Variants in BIRC6 observed in about 807,000 individuals in gnomAD.
BIRC6 encodes the protein baculoviral IAP repeat containing 6.
BIRC6 carries 98 observed loss-of-function variants against 503.3 expected under a neutral mutation model. The ratio of observed to expected loss-of-function variants is 0.19; its 90% CI spans 0.17 to 0.23. BIRC6 has a LOEUF of 0.23. BIRC6 is among the 10% of genes least tolerant of loss of function. The pLI, the probability that BIRC6 is intolerant of heterozygous loss-of-function variation, is 1.00. For synonymous variants in BIRC6, 2,240 were observed against 2,078.7 expected (o/e 1.08, Z -2.11); for missense variants, 5,360 against 5,806.0 (o/e 0.92, Z 2.50).
chr2:32,552,896 A>T (rs1210264990), intron 65 of BIRC6, among the ~76,000 whole-genome samples: 2 of 149,970 alleles, frequency 1.3e-5, no homozygotes, highest in African/African-American at 2.4e-5. Flanking sequence ...TTACTTAATT[A>T]TATATGTACT....
At chr2:32,462,109 A>G (rs2048061771) in intron 23 of BIRC6, among the ~76,000 whole-genome samples, 1 of 152,144 alleles carries the variant, frequency 6.6e-6, no homozygotes, top group South Asian at 2.1e-4. Context: ...TTGCCCATAA[A>G]GTGAATTGTA....
chr2:32,372,993 A>G (rs1176349872), intron 1 of BIRC6, among the ~76,000 whole-genome samples: 2 of 152,238 alleles, frequency 1.3e-5, no homozygotes, highest in African/African-American at 4.8e-5. Flanking sequence ...GCCATTTGGT[A>G]AGTTTGTGTT....
intron 62 of BIRC6, among the ~76,000 whole-genome samples, chr2:32,545,001 C>T (rs2057956459): frequency 6.6e-6 from 1 of 151,506 alleles, no homozygotes; most frequent in Non-Finnish European, 1.5e-5. Flanking sequence ...CATGGTATTT[C>T]AACACTGTTA....
chr2:32,395,654 A>T (rs3731581), intron 6 of BIRC6, 61 bp downstream of exon 6: 179,751 of 1,403,792 alleles, frequency 0.13, 12,528 homozygotes, highest in Middle Eastern at 0.17. Flanking sequence ...ATGCTTCTAA[A>T]TTTTACTTTT....
chr2:32,465,775 A>C (rs1451717092), intron 26 of BIRC6, among the ~76,000 whole-genome samples: 1 of 152,212 alleles, frequency 6.6e-6, no homozygotes, highest in African/African-American at 2.4e-5. Flanking sequence ...ATCCTCAGGG[A>C]AATAACATGG....
intron 62 of BIRC6, among the ~76,000 whole-genome samples, chr2:32,544,919 T>C (rs938006932): frequency 1.3e-5 from 2 of 152,008 alleles, no homozygotes; most frequent in Admixed American, 1.3e-4. Flanking sequence ...TTTTTATTGA[T>C]ACATAGTAGT....
At chr2:32,446,154 C>T (rs1227686364) in intron 21 of BIRC6, among the ~76,000 whole-genome samples, 1 of 152,128 alleles carries the variant, frequency 6.6e-6, no homozygotes, top group Non-Finnish European at 1.5e-5. Flanking sequence ...CCGTGCCCGG[C>T]CAGAAATTAC....
chr2:32,481,222 A>G, intron 37 of BIRC6, 98 bp from the exon 38 acceptor site: 1 of 1,103,920 alleles, frequency 9.1e-7, no homozygotes, highest in East Asian at 2.7e-5. Context: ...GGCATATGTA[A>G]CATGCAAGTA....
Position 32,357,768 on chromosome 2 carries a change from G to A in BIRC6, c.325+282G>A, listed in dbSNP as rs1415143750. On this transcript the variant is annotated intron_variant, in intron 1 of 73. Coordinates refer to ENST00000421745, the MANE Select transcript of BIRC6 (RefSeq NM_016252.4). This position sits in a 1 kb window ranked among gnomAD's most constrained non-coding sequence, Gnocchi z 4.9. ...GGTCTGGCTTGGTCCTCCGCGAGAG[G>A]TGAGGAGACCTTGGAGCTTGGCACC... is the stretch of plus-strand genomic sequence containing the variant. Among the ~76,000 whole-genome samples the A allele has an allele frequency of 6.6e-6, 1 of 152,170 alleles. No homozygotes were observed. The highest frequency in any genetic ancestry group is 2.4e-5 in the African/African-American group (1 of 41,438).
rs2063368000 is a variant in BIRC6, at chr2:32,618,403, T to G, written c.*499T>G. 1 of 152,250 alleles carries G rather than the reference T, an allele frequency of 6.6e-6. No individual in the cohort carries two copies. Among genetic ancestry groups the G allele is most frequent in the Admixed American group, 6.5e-5 (1 of 15,272 alleles). 9.4% of individuals were successfully genotyped at this position (152,250 alleles called of 1,614,324 possible). On this transcript the variant is annotated 3_prime_UTR_variant, in exon 74 of 74. Transcript: ENST00000421745. Reference sequence around the variant, plus strand: ...CCTCCTACATACACTTCAATAAAAGTTAAATGGACATACTCCCTCTTTTTT... The same window carrying G: ...CCTCCTACATACACTTCAATAAAAGGTAAATGGACATACTCCCTCTTTTTT...
At chr2:32,615,514 A>G (rs1448689637) in intron 73 of BIRC6, among the ~76,000 whole-genome samples, 1 of 152,076 alleles carries the variant, frequency 6.6e-6, no homozygotes, top group Admixed American at 6.5e-5. Flanking sequence ...TCCTCATTCT[A>G]CTCATTGCCT....
chr2:32,416,773 TCCTTTCC>T (rs996735524), intron 10 of BIRC6, among the ~76,000 whole-genome samples: 19 of 151,266 alleles, frequency 1.3e-4, no homozygotes, highest in Non-Finnish European at 2.2e-4. Context: ...CTTTTCCTTT[TCCTTTCC>T]CCTTTCCCCC....
At chr2:32,496,373 A>G (rs2052473650) in intron 45 of BIRC6, among the ~76,000 whole-genome samples, 1 of 151,898 alleles carries the variant, frequency 6.6e-6, no homozygotes, top group Non-Finnish European at 1.5e-5. Flanking sequence ...TTACAGGCCC[A>G]TCACCATGCC....
In BIRC6 at chr2:32,545,631, T is replaced by C. The variant is rs778605331; in HGVS notation, c.12593-12T>C. 3.7e-6 allele frequency: 6 copies of C among 1,601,084 alleles called. No homozygotes were observed. The highest frequency in any genetic ancestry group is 3.3e-5 in the Admixed American group (2 of 59,976). The stretch of plus-strand genomic sequence containing the variant: ...GTTTTTAATCTTGAGTCCTCTTCTT[T>C]CTTCAATCTAGGTCATATTCTTCAA... On this transcript the variant is annotated splice_polypyrimidine_tract_variant and intron_variant, in intron 62 of 73. Transcript: ENST00000421745.
Position 32,460,245 on chromosome 2 carries a change from GATATATAT to G in BIRC6, c.4754-2928_4754-2921del, listed in dbSNP as rs1269564471. 2.3e-3 allele frequency among the ~76,000 whole-genome samples: 70 copies of G among 30,974 alleles called. 1 individual carries two copies. The highest frequency in any genetic ancestry group is 6.1e-3 in the African/African-American group (49 of 8,038). The allele number at this position is 30,974 out of a possible 152,430, so 20.3% of individuals were successfully genotyped here. A position where few individuals can be genotyped will look rare whatever the true frequency, so the allele number is the denominator to read the frequency against. ...ATCTCATATGATATATCTCGTATAT[GATATATAT>G]ATATATATATATATATATATTTTTT... On this transcript the variant is annotated intron_variant, in intron 23 of 73. Transcript: ENST00000421745.
chr2:32,464,866 A>G (rs2048356700), intron 25 of BIRC6, 43 bp downstream of exon 25: 2 of 1,539,954 alleles, frequency 1.3e-6, no homozygotes, highest in East Asian at 2.3e-5. Flanking sequence ...ACATTTAAAA[A>G]TATCTTGAAA....
intron 33 of BIRC6, among the ~76,000 whole-genome samples, chr2:32,474,995 G>A (rs2049569275): frequency 6.6e-6 from 1 of 151,608 alleles, no homozygotes; most frequent in South Asian, 2.1e-4. Flanking sequence ...GGATCAGTTG[G>A]CACCAGGAGT....
At chr2:32,387,888 G>C (rs1573851361) in intron 3 of BIRC6, among the ~76,000 whole-genome samples, 1 of 152,154 alleles carries the variant, frequency 6.6e-6, no homozygotes, top group Non-Finnish European at 1.5e-5. Context: ...TTCCAGAATA[G>C]TTAGTTGAGG....
intron 10 of BIRC6, among the ~76,000 whole-genome samples, chr2:32,428,580 A>G (rs1169676448): frequency 6.6e-6 from 1 of 152,180 alleles, no homozygotes; most frequent in Non-Finnish European, 1.5e-5. Context: ...GCTGGAAGTG[A>G]ATCTCCAAAT....
Sources: gnomAD v4.1 joint callset for allele counts (sites outside exome capture counted in the v4.1 genomes callset) on GRCh38, gnomAD v4.1.1 for gene constraint, Gnocchi (gnomAD v3.1) non-coding constraint, MANE v1.5 for transcripts, NCBI Gene and HGNC (gene_info 2026-07-23, HGNC 2026-07-21) for gene names.